Variants in SOX5 observed in about 807,000 individuals in gnomAD.
SOX5 encodes transcription factor SOX-5.
SOX5 carries 9 observed loss-of-function variants against 92.0 expected under a neutral mutation model. The ratio of observed to expected loss-of-function variants is 0.10; its 90% CI spans 0.06 to 0.17. The LOEUF (loss-of-function observed/expected upper bound fraction) is 0.17, where lower values mean the gene tolerates loss of function less well. Ranked by LOEUF, SOX5 falls within the 10% of genes least tolerant of loss-of-function variation. The pLI, the probability that SOX5 is intolerant of heterozygous loss-of-function variation, is 1.00. For missense variants in SOX5, 642 were observed against 944.5 expected (o/e 0.68, Z 4.20); for synonymous variants, 344 against 336.3 (o/e 1.02, Z -0.25).
At chr12:23,950,110 C>T (rs113932131), upstream of SOX5, among the ~76,000 whole-genome samples, 882 of 151,536 alleles carry the variant, frequency 5.8e-3, 10 homozygotes, top group Middle Eastern at 0.024. Flanking sequence ...TGATTAAAAA[C>T]CTAGTCTATA....
At chr12:24,497,516 T>C (rs1391190386) in intron 1 of SOX5, among the ~76,000 whole-genome samples, 2 of 152,256 alleles carry the variant, frequency 1.3e-5, no homozygotes, top group South Asian at 2.1e-4. Context: ...TTCAAATGGA[T>C]AATTTCAGTT....
chr12:24,245,235 T>TGTG (rs1938418089), intron 3 of SOX5, among the ~76,000 whole-genome samples: 1 of 144,274 alleles, frequency 6.9e-6, no homozygotes. Flanking sequence ...TTGGAGAGAT[T>TGTG]TGTGTGTGTG....
chr12:23,989,519 G>A (rs1379257092), intron 4 of SOX5, among the ~76,000 whole-genome samples: 1 of 152,026 alleles, frequency 6.6e-6, no homozygotes, highest in Non-Finnish European at 1.5e-5. Context: ...AACACTAGAT[G>A]GCAAAAGTTA....
intron 1 of SOX5, among the ~76,000 whole-genome samples, chr12:24,456,033 G>A (rs1050063843): frequency 7.2e-5 from 11 of 152,150 alleles, no homozygotes; most frequent in East Asian, 3.8e-4. Context: ...GAGCAGAGGC[G>A]AAAGTCTTAC....
intron 2 of SOX5, among the ~76,000 whole-genome samples, chr12:24,353,073 ATTACG>A (rs1359280640): frequency 4.6e-5 from 7 of 152,308 alleles, no homozygotes; most frequent in African/African-American, 1.7e-4. Flanking sequence ...TTCCCAGGTC[ATTACG>A]TTGTATGGAG....
intron 2 of SOX5, among the ~76,000 whole-genome samples, chr12:24,347,313 A>G (rs916912860): frequency 6.6e-6 from 1 of 152,188 alleles, no homozygotes; most frequent in African/African-American, 2.4e-5. Context: ...TATATCAAGG[A>G]CCTTGAGCAT....
At chr12:23,750,249 A>T (rs2094139778) in intron 4 of SOX5, among the ~76,000 whole-genome samples, 2 of 151,978 alleles carry the variant, frequency 1.3e-5, no homozygotes, top group Admixed American at 1.3e-4. Context: ...TTTCATATGT[A>T]AAATCAGAAT....
intron 1 of SOX5, among the ~76,000 whole-genome samples, chr12:24,525,597 C>T (rs1345717367): frequency 1.3e-5 from 2 of 152,144 alleles, no homozygotes; most frequent in South Asian, 2.1e-4. Flanking sequence ...CCAGGCCGGG[C>T]GTGGTGGCTC....
chr12:23,955,337 A>G (rs1224319641), upstream of SOX5, among the ~76,000 whole-genome samples: 7 of 152,190 alleles, frequency 4.6e-5, no homozygotes, highest in African/African-American at 1.7e-4. Flanking sequence ...AGAGAAGAAT[A>G]GTATTCTTAT....
intron 3 of SOX5, among the ~76,000 whole-genome samples, chr12:24,216,198 T>A (rs1358086701): frequency 6.6e-6 from 1 of 152,058 alleles, no homozygotes; most frequent in East Asian, 1.9e-4. Context: ...GAATAAAAAA[T>A]CCCGGCCGGG....
Position 23,779,641 on chromosome 12 carries a change from C to T in SOX5, c.482-23917G>A, listed in dbSNP as rs931186021. On this transcript the variant is annotated intron_variant, in intron 3 of 14. Transcript: ENST00000451604. ...GTTCATGGTTTGACCTAAAGTGCAT[C>T]ATAAGGAAGAAACATTAGCCTAAAT... is the stretch of plus-strand genomic sequence containing the variant. Among the ~76,000 whole-genome samples the T allele has an allele frequency of 1.9e-4, 29 of 151,154 alleles. 1 individual carries two copies. Among genetic ancestry groups the T allele is most frequent in the Non-Finnish European group, 7.4e-5 (5 of 67,806 alleles).
intron 4 of SOX5, among the ~76,000 whole-genome samples, chr12:24,164,223 A>G (rs1407190248): frequency 6.6e-6 from 1 of 152,032 alleles, no homozygotes; most frequent in Non-Finnish European, 1.5e-5. Flanking sequence ...GACAGAAGTA[A>G]AATACCCATC....
chr12:24,299,001 T>C (rs1158490477), intron 2 of SOX5, among the ~76,000 whole-genome samples: 2 of 152,072 alleles, frequency 1.3e-5, no homozygotes, highest in African/African-American at 2.4e-5. Flanking sequence ...AGTTTACAAG[T>C]ATTGGGTCTA....
intron 6 of SOX5, among the ~76,000 whole-genome samples, chr12:23,701,478 C>T (rs1418793069): frequency 6.6e-6 from 1 of 152,048 alleles, no homozygotes; most frequent in East Asian, 1.9e-4. Context: ...TAATGGATAA[C>T]TCACATATCA....
intron 3 of SOX5, among the ~76,000 whole-genome samples, chr12:24,239,286 CA>C (rs1565726326): frequency 1.3e-5 from 2 of 151,698 alleles, no homozygotes; most frequent in African/African-American, 4.8e-5. Flanking sequence ...CTCCCTGAAT[CA>C]AAAAAAGAAG....
intron 2 of SOX5, among the ~76,000 whole-genome samples, chr12:24,330,352 G>C (rs548194881): frequency 6.6e-6 from 1 of 152,022 alleles, no homozygotes; most frequent in Admixed American, 6.6e-5. Flanking sequence ...AAGATGAAAG[G>C]AAAAAAAGGG....
chr12:23,948,738 T>C (rs529677917), intron 1 of SOX5, among the ~76,000 whole-genome samples: 7 of 152,254 alleles, frequency 4.6e-5, no homozygotes, highest in South Asian at 4.1e-4. Flanking sequence ...TGTGTACTTA[T>C]AGGAACATTA....
chr12:23,928,851 C>A (rs1940712807), intron 1 of SOX5, among the ~76,000 whole-genome samples: 2 of 151,780 alleles, frequency 1.3e-5, no homozygotes, highest in South Asian at 4.2e-4. Context: ...AGATCAAGAA[C>A]CTAAAAGAAA....
At position 24,323,848 on chromosome 12, in the gene SOX5, G is replaced by A. The variant is rs533079663; in HGVS notation, c.-174+44715C>T. On this transcript the variant is annotated intron_variant, in intron 2 of 4. Coordinates refer to the SOX5 transcript ENST00000446891. Reference sequence around the variant, plus strand: ...ATAAAGTTTATTTATATTTCAGATGGAGGAAGAGGCCAAAAATTTACAAGG... The same window carrying A: ...ATAAAGTTTATTTATATTTCAGATGAAGGAAGAGGCCAAAAATTTACAAGG... Among the ~76,000 whole-genome samples, 69 of 152,220 alleles carry A rather than the reference G, an allele frequency of 4.5e-4. 1 individual carries two copies. In the South Asian group the frequency reaches 6.8e-3, roughly 15 times the overall value.
Sources: gnomAD v4.1 joint callset for allele counts (sites outside exome capture counted in the v4.1 genomes callset) on GRCh38, gnomAD v4.1.1 for gene constraint, MANE v1.5 for transcripts, NCBI Gene and HGNC (gene_info 2026-07-23, HGNC 2026-07-21) for gene names.